The following DENND5B variants were observed in gnomAD, a reference collection of about 807,000 sequenced individuals.
DENND5B encodes the protein DENN domain containing 5B.
A neutral mutation model predicts 140.6 loss-of-function variants in DENND5B; 34 were observed. The ratio of observed to expected loss-of-function variants is 0.24; its 90% CI spans 0.18 to 0.32. The LOEUF (loss-of-function observed/expected upper bound fraction) is 0.32, where lower values mean the gene tolerates loss of function less well. Among genes scored for constraint, DENND5B ranks in the 10% least tolerant of loss-of-function variants. DENND5B has a pLI of 1.00. For missense variants in DENND5B, 1,142 were observed against 1,560.2 expected, an observed-to-expected ratio of 0.73 and a Z score of 4.52; for synonymous variants, 551 against 562.1, an observed-to-expected ratio of 0.98 and a Z score of 0.28.
Position 31,590,804 on chromosome 12 carries a change from G to A in DENND5B, c.29C>T (p.Pro10Leu). Residue 10 changes from proline to leucine, a missense_variant, in exon 1 of 21, where the codon CCG becomes CTG. This residue lies in a region of DENND5B where 708 missense variants were observed against 905.5 expected (regional missense o/e 0.78). Transcript: ENST00000389082. Reference protein sequence around the residue: MSGSCAAPGPGSGSSPAACR... With the variant: MSGSCAAPGLGSGSSPAACR... ...GGCGGCCGGGGAGGAGCCCGAGCCC[G>A]GGCCGGGCGCCGCGCAGCTCCCGCT... is the stretch of plus-strand genomic sequence containing the variant. 1.5e-6 allele frequency: 2 copies of A among 1,308,908 alleles called. No homozygotes were observed. Among genetic ancestry groups the A allele is most frequent in the Non-Finnish European group, 1.9e-6 (2 of 1,031,510 alleles). The allele number at this position is 1,308,908 out of a possible 1,614,324, so 81.1% of individuals were successfully genotyped here.
chr12:31,445,851 T>C (rs1005056655), intron 6 of DENND5B, among the ~76,000 whole-genome samples: 1 of 151,190 alleles, frequency 6.6e-6, no homozygotes, highest in Admixed American at 6.6e-5. Flanking sequence ...CTACAAAAAA[T>C]ACAAAAAATT....
At chr12:31,562,144 C>T (rs1217307804) in intron 1 of DENND5B, among the ~76,000 whole-genome samples, 1 of 152,164 alleles carries the variant, frequency 6.6e-6, no homozygotes, top group East Asian at 1.9e-4. Flanking sequence ...CAAGTAGCTT[C>T]AAGTCTAGAA....
chr12:31,554,432 T>C (rs1259393), intron 1 of DENND5B, among the ~76,000 whole-genome samples: 124,104 of 152,114 alleles, frequency 0.82, 50,961 homozygotes, highest in African/African-American at 0.9. Context: ...CCAAGAGATC[T>C]GCTGTTAGTC....
intron 1 of DENND5B, among the ~76,000 whole-genome samples, chr12:31,533,665 G>A (rs1425957394): frequency 6.6e-6 from 1 of 152,158 alleles, no homozygotes; most frequent in Non-Finnish European, 1.5e-5. Context: ...GATACACTAT[G>A]ATCTCTTTGA....
chr12:31,415,967 C>G (rs953661941), intron 11 of DENND5B, among the ~76,000 whole-genome samples: 3 of 152,076 alleles, frequency 2.0e-5, no homozygotes, highest in Non-Finnish European at 4.4e-5. Context: ...TCCCGAGTAG[C>G]TGGGATTACA....
chr12:31,458,306 TAA>T (rs895868207), intron 4 of DENND5B, among the ~76,000 whole-genome samples: 1 of 152,194 alleles, frequency 6.6e-6, no homozygotes, highest in Non-Finnish European at 1.5e-5. Flanking sequence ...AATTATCTTA[TAA>T]AATATTACAT....
intron 2 of DENND5B, among the ~76,000 whole-genome samples, chr12:31,488,137 T>C (rs1464151880): frequency 1.3e-5 from 2 of 150,150 alleles, no homozygotes; most frequent in Non-Finnish European, 3.0e-5. Context: ...GGCTATTTTT[T>C]TTTTTTTTTT....
chr12:31,423,808 A>T, intron 10 of DENND5B, 133 bp from the exon 11 acceptor site: 1 of 797,306 alleles, frequency 1.3e-6, no homozygotes, highest in South Asian at 1.6e-5. Context: ...TAGTTGTATG[A>T]CATTCTGAGC....
At position 31,563,783 on chromosome 12, in the gene DENND5B, A is replaced by C. The variant is rs142341631; in HGVS notation, c.127+26923T>G. Among the ~76,000 whole-genome samples, 30 of 152,332 alleles carry C rather than the reference A, an allele frequency of 2.0e-4. No individual in the cohort carries two copies. The East Asian group carries it at 5.4e-3, about 27-fold the overall frequency. On this transcript the variant is annotated intron_variant, in intron 1 of 20. Coordinates refer to ENST00000389082, the MANE Select transcript of DENND5B (RefSeq NM_144973.4). Reference sequence around the variant, plus strand: ...TTTGCAAATAAAAAAATTTAAGTCAACTTTTAATCATATGCTCTCTAAATT... The same window carrying C: ...TTTGCAAATAAAAAAATTTAAGTCACCTTTTAATCATATGCTCTCTAAATT...
intron 1 of DENND5B, 32 bp from the exon 2 acceptor site, chr12:31,495,951 A>G (rs540433278): frequency 1.4e-6 from 2 of 1,450,422 alleles, no homozygotes; most frequent in African/African-American, 2.8e-5. Context: ...TAATATCTAG[A>G]ACTTTTCCAA....
chr12:31,505,391 C>T lies in DENND5B; in HGVS notation c.128-9472G>A, dbSNP rs533035925. On this transcript the variant is annotated intron_variant, in intron 1 of 20. Transcript: ENST00000389082. Reference sequence around the variant, plus strand: ...GTAGCTGGGACTACAGGTGTGCTACCATGCCCAGCTAATTTTTGTAGTTTT... The same window carrying T: ...GTAGCTGGGACTACAGGTGTGCTACTATGCCCAGCTAATTTTTGTAGTTTT... 3.9e-5 allele frequency among the ~76,000 whole-genome samples: 6 copies of T among 152,016 alleles called. No homozygotes were observed. The South Asian group carries it at 6.2e-4, about 16-fold the overall frequency.
At chr12:31,408,004 T>C (rs1565549692) in intron 14 of DENND5B, among the ~76,000 whole-genome samples, 1 of 152,136 alleles carries the variant, frequency 6.6e-6, no homozygotes, top group Non-Finnish European at 1.5e-5. Flanking sequence ...CTATAAAAAA[T>C]ACATCTCTTG....
intron 14 of DENND5B, among the ~76,000 whole-genome samples, chr12:31,403,605 G>A (rs708197): frequency 0.87 from 121,078 of 138,460 alleles, 51,863 homozygotes; most frequent in Admixed American, 0.9. Context: ...AAAAAAAAAA[G>A]AAAGAAAAAA....
At chr12:31,418,710 A>G (rs1488590820) in intron 11 of DENND5B, among the ~76,000 whole-genome samples, 1 of 152,206 alleles carries the variant, frequency 6.6e-6, no homozygotes, top group East Asian at 1.9e-4. Context: ...GACAGAGGAA[A>G]AAAGGGGAGT....
intron 3 of DENND5B, among the ~76,000 whole-genome samples, chr12:31,477,227 T>TAA (rs142418446): frequency 1.4e-3 from 210 of 145,152 alleles, no homozygotes; most frequent in East Asian, 3.6e-3. Context: ...GACTCTGTCT[T>TAA]AAAAAAAAAA....
chr12:31,506,819 T>C (rs1274837449), intron 1 of DENND5B, among the ~76,000 whole-genome samples: 1 of 152,204 alleles, frequency 6.6e-6, no homozygotes, highest in Non-Finnish European at 1.5e-5. Flanking sequence ...TTCCATGCCT[T>C]CTTCTTGTGG....
chr12:31,523,547 G>T (rs1947979783), intron 1 of DENND5B, among the ~76,000 whole-genome samples: 2 of 151,708 alleles, frequency 1.3e-5, no homozygotes, highest in Non-Finnish European at 2.9e-5. Flanking sequence ...TGAATGTCTG[G>T]CCATCTTATT....
chr12:31,466,812 G>A (rs1945288581), intron 3 of DENND5B, among the ~76,000 whole-genome samples: 1 of 152,084 alleles, frequency 6.6e-6, no homozygotes, highest in African/African-American at 2.4e-5. Flanking sequence ...ATGGGTAAAG[G>A]ACATTAATTC....
At chr12:31,539,042 TAAAG>T (rs749748620) in intron 1 of DENND5B, among the ~76,000 whole-genome samples, 6 of 135,902 alleles carry the variant, frequency 4.4e-5, no homozygotes, top group Admixed American at 2.9e-4. Context: ...AAACCAGAGA[TAAAG>T]AAGGAAACAT....
Sources: allele counts gnomAD v4.1 joint callset (sites outside exome capture counted in the v4.1 genomes callset), GRCh38; gene constraint gnomAD v4.1.1; regional missense constraint gnomAD v4.1.1; transcripts MANE v1.5; gene names NCBI Gene and HGNC (gene_info 2026-07-23, HGNC 2026-07-21).